RHOA: variants seen among roughly 807,000 people sequenced by gnomAD.
RHOA encodes the protein ras homolog family member A.
A neutral mutation model predicts 17.5 loss-of-function variants in RHOA; 3 were observed. That is an observed-to-expected ratio of 0.17 (90% confidence interval 0.08 to 0.44). RHOA has a LOEUF of 0.44. Ranked by LOEUF, RHOA falls within the 20% of genes least tolerant of loss-of-function variation. The pLI, the probability that RHOA is intolerant of heterozygous loss-of-function variation, is 0.99. For missense variants in RHOA, 56 were observed against 242.3 expected, an observed-to-expected ratio of 0.23 and a Z score of 5.10; for synonymous variants, 98 against 88.4, an observed-to-expected ratio of 1.11 and a Z score of -0.61.
In RHOA at chr3:49,365,886, C is replaced by G. The variant is rs138640910; in HGVS notation, c.277+2542G>C. Among the ~76,000 whole-genome samples the G allele has an allele frequency of 2.6e-4, 40 of 152,058 alleles. No individual in the cohort carries two copies. The East Asian group carries it at 6.6e-3, about 25-fold the overall frequency. On this transcript the variant is annotated intron_variant, in intron 3 of 4. Coordinates refer to ENST00000418115, the MANE Select transcript of RHOA (RefSeq NM_001664.4). ...GATTACAGGCGTGAGCCACCATGCC[C>G]GGCCTAAAAAATATAAAAATTAACC...
intron 1 of RHOA, among the ~76,000 whole-genome samples, chr3:49,398,965 G>A (rs899604275): frequency 6.8e-6 from 1 of 146,462 alleles, no homozygotes. Flanking sequence ...ACTGAGACAG[G>A]AGAATTGCTG....
At chr3:49,410,630 T>C (rs1212975735) in intron 1 of RHOA, among the ~76,000 whole-genome samples, 2 of 152,224 alleles carry the variant, frequency 1.3e-5, no homozygotes, top group African/African-American at 4.8e-5. Context: ...AAACAGTATC[T>C]CCGCCAATCT....
Position 49,382,929 on chromosome 3 carries a change from C to A in RHOA, c.-2-7338G>T, listed in dbSNP as rs371763353. Among the ~76,000 whole-genome samples the A allele has an allele frequency of 1.2e-4, 18 of 151,936 alleles. No individual in the cohort carries two copies. The East Asian group carries it at 2.5e-3, about 21-fold the overall frequency. On this transcript the variant is annotated intron_variant, in intron 1 of 4. Coordinates refer to ENST00000418115, the MANE Select transcript of RHOA (RefSeq NM_001664.4). The stretch of plus-strand genomic sequence containing the variant: ...AATTAGGTGGGCGTGGTGGTGGGCA[C>A]CTGTAATCCCAACTACTGAGATGCT...
intron 3 of RHOA, among the ~76,000 whole-genome samples, chr3:49,363,673 G>A (rs1023279148): frequency 1.3e-5 from 2 of 151,850 alleles, no homozygotes; most frequent in Non-Finnish European, 2.9e-5. Context: ...CCAACATGGC[G>A]AAACCTCATC....
intron 1 of RHOA, among the ~76,000 whole-genome samples, chr3:49,400,575 T>C (rs1435255000): frequency 6.6e-6 from 1 of 151,948 alleles, no homozygotes; most frequent in East Asian, 1.9e-4. Flanking sequence ...GAAGACTGTA[T>C]CAGGACTTGG....
At chr3:49,405,392 T>C (rs1267721426) in intron 1 of RHOA, among the ~76,000 whole-genome samples, 5 of 150,562 alleles carry the variant, frequency 3.3e-5, no homozygotes, top group South Asian at 2.1e-4. Flanking sequence ...GATCACGCCA[T>C]TGCACTCCAG....
rs10530558 is a variant in RHOA, at chr3:49,399,054, C to CAAAAAAAA, written c.-3+12758_-3+12765dup. On this transcript the variant is annotated intron_variant, in intron 1 of 4. Coordinates refer to ENST00000418115, the MANE Select transcript of RHOA (RefSeq NM_001664.4). ...TGCGTGACAGAGCAAGACTCCGTCT[C>CAAAAAAAA]AAAAAAAAAAAAAAAAAAAAAAAAA... is the stretch of plus-strand genomic sequence containing the variant. 6.8e-3 allele frequency among the ~76,000 whole-genome samples: 169 copies of CAAAAAAAA among 24,838 alleles called. 25 individuals carry two copies. Among genetic ancestry groups the CAAAAAAAA allele is most frequent in the East Asian group, 0.024 (15 of 614 alleles). The allele number at this position is 24,838 out of a possible 152,430, so 16.3% of individuals were successfully genotyped here. A position where few individuals can be genotyped will look rare whatever the true frequency, so the allele number is the denominator to read the frequency against.
chr3:49,401,558 CA>C (rs5848878), intron 1 of RHOA, among the ~76,000 whole-genome samples: 92,087 of 131,808 alleles, frequency 0.7, 31,862 homozygotes, highest in East Asian at 0.96. Context: ...AACTCTGTCT[CA>C]AAAAAAAAAA....
intron 1 of RHOA, among the ~76,000 whole-genome samples, chr3:49,379,809 C>T (rs943623432): frequency 1.1e-4 from 16 of 152,200 alleles, no homozygotes; most frequent in Admixed American, 1.3e-4. Flanking sequence ...AGCCACCGCA[C>T]CCAGCCCACA....
At chr3:49,391,001 G>T (rs985540747) in intron 1 of RHOA, among the ~76,000 whole-genome samples, 1 of 151,484 alleles carries the variant, frequency 6.6e-6, no homozygotes, top group Admixed American at 6.6e-5. Flanking sequence ...GGAGGATCAC[G>T]AGGTCAGGAG....
At chr3:49,403,039 A>T (rs1263488428) in intron 1 of RHOA, among the ~76,000 whole-genome samples, 1 of 10,888 alleles carries the variant, frequency 9.2e-5, no homozygotes, top group African/African-American at 2.1e-4. Context: ...TCCATCTCAT[A>T]AAAAAAAAAA....
chr3:49,378,263 T>C (rs1228774385), intron 1 of RHOA, among the ~76,000 whole-genome samples: 1 of 140,360 alleles, frequency 7.1e-6, no homozygotes, highest in Non-Finnish European at 1.5e-5. Context: ...TTTTTTTTTT[T>C]TGAGATGAGG....
At chr3:49,365,877 C>T (rs1242007622) in intron 3 of RHOA, among the ~76,000 whole-genome samples, 2 of 152,088 alleles carry the variant, frequency 1.3e-5, no homozygotes, top group Non-Finnish European at 2.9e-5. Context: ...AGGCGTGAGC[C>T]ACCATGCCCG....
rs1034310211 is a variant in RHOA at position 49,411,955 on chromosome 3, C to CG, written c.-139dup. Reference sequence around the variant, plus strand: ...AGAACCGACGGAGGACCGCGGGCGGCGGGAGGGTAGCGCGAGAGAGCGAGG... The same window carrying CG: ...AGAACCGACGGAGGACCGCGGGCGGCGGGGAGGGTAGCGCGAGAGAGCGAGG... On this transcript the variant is annotated 5_prime_UTR_variant, in exon 1 of 5. Transcript: ENST00000418115. The CG allele has an allele frequency of 4.8e-5, 7 of 145,160 alleles. No individual in the cohort carries two copies. Among genetic ancestry groups the CG allele is most frequent in the African/African-American group, 1.8e-4 (7 of 39,752 alleles). The allele number at this position is 145,160 out of a possible 1,614,324, so 9.0% of individuals were successfully genotyped here.
At chr3:49,403,337 A>C (rs1231793515) in intron 1 of RHOA, among the ~76,000 whole-genome samples, 3 of 152,148 alleles carry the variant, frequency 2.0e-5, no homozygotes. Flanking sequence ...CCGTCTCAAA[A>C]ATAAAAATAA....
intron 3 of RHOA, among the ~76,000 whole-genome samples, chr3:49,365,695 A>T (rs1036861130): frequency 6.6e-6 from 1 of 150,640 alleles, no homozygotes; most frequent in African/African-American, 2.4e-5. Flanking sequence ...GGTTCAAGCA[A>T]TTCTCCTGCC....
At chr3:49,403,282 G>A (rs912631532) in intron 1 of RHOA, among the ~76,000 whole-genome samples, 5 of 152,106 alleles carry the variant, frequency 3.3e-5, no homozygotes, top group Non-Finnish European at 1.5e-5. Flanking sequence ...AGGCTGCAGT[G>A]AGCCAAGATT....
chr3:49,374,996 C>T (rs2048203483), intron 2 of RHOA, among the ~76,000 whole-genome samples: 1 of 151,742 alleles, frequency 6.6e-6, no homozygotes, highest in African/African-American at 2.4e-5. Context: ...GAAGGCTGGG[C>T]ACAGTGGCTC....
At chr3:49,406,461 T>C (rs769534580) in intron 1 of RHOA, among the ~76,000 whole-genome samples, 2 of 152,222 alleles carry the variant, frequency 1.3e-5, no homozygotes, top group South Asian at 2.1e-4. Context: ...CCTTGTGCTT[T>C]AGAGCAGCTA....
Sources: gnomAD v4.1 joint callset for allele counts (sites outside exome capture counted in the v4.1 genomes callset) on GRCh38, gnomAD v4.1.1 for gene constraint, MANE v1.5 for transcripts, NCBI Gene and HGNC (gene_info 2026-07-23, HGNC 2026-07-21) for gene names.